The following KIF4A variants were observed in gnomAD, a reference collection of about 807,000 sequenced individuals.
KIF4A encodes the protein chromosome-associated kinesin KIF4A.
Under a neutral mutation model 105.9 loss-of-function variants are expected in KIF4A, and 7 were observed. That is an observed-to-expected ratio of 0.07 (90% CI 0.04 to 0.12). KIF4A has a LOEUF of 0.12. Among genes scored for constraint, KIF4A ranks in the 10% least tolerant of loss-of-function variants. The pLI, the probability that KIF4A is intolerant of heterozygous loss-of-function variation, is 1.00. For synonymous variants in KIF4A, 281 were observed against 331.3 expected (o/e 0.85, Z 1.65); for missense variants, 558 against 929.2 (o/e 0.60, Z 5.19).
chrX:70,349,427 G>GGCT, intron 13 of KIF4A, among the ~76,000 whole-genome samples: 1 of 98,275 alleles, frequency 1.0e-5, no homozygotes, highest in Non-Finnish European at 2.1e-5. Context: ...CAGATGGGGC[G>GGCT]GCCGGGCAGA....
At chrX:70,312,140 C>CTTT (rs527848699) in intron 7 of KIF4A, among the ~76,000 whole-genome samples, 46 of 78,035 alleles carry the variant, frequency 5.9e-4, no homozygotes, top group Non-Finnish European at 8.3e-4. Flanking sequence ...TTTTAAATGT[C>CTTT]TTTTTTTTTT....
At chrX:70,410,961 A>G (rs1449064598) in intron 28 of KIF4A, among the ~76,000 whole-genome samples, 1 of 112,646 alleles carries the variant, frequency 8.9e-6, no homozygotes, top group African/African-American at 3.2e-5. Context: ...ATGCTTTTAT[A>G]TGGTGTTATA....
chrX:70,322,114 T>C (rs2085892836), intron 7 of KIF4A, among the ~76,000 whole-genome samples: 1 of 109,413 alleles, frequency 9.1e-6, no homozygotes, highest in African/African-American at 3.3e-5. Flanking sequence ...TTCACCCACT[T>C]AGATGCTTAT....
At chrX:70,375,393 A>G in intron 17 of KIF4A, 45 bp downstream of exon 17, 6 of 1,146,453 alleles carry the variant, frequency 5.2e-6, no homozygotes, top group Non-Finnish European at 7.1e-6. Flanking sequence ...GGAATTTACA[A>G]ACATAGGTAT....
chrX:70,307,212 A>G (rs780279186), intron 7 of KIF4A, among the ~76,000 whole-genome samples: 2 of 110,091 alleles, frequency 1.8e-5, no homozygotes, highest in East Asian at 5.7e-4. Flanking sequence ...TTCTTTTGTT[A>G]AATTTATTCC....
intron 15 of KIF4A, among the ~76,000 whole-genome samples, chrX:70,373,908 T>A (rs1263107818): frequency 1.0e-5 from 1 of 100,180 alleles, no homozygotes; most frequent in South Asian, 4.7e-4. Flanking sequence ...AAAGATGAAG[T>A]GACTTTCCTT....
At chrX:70,328,283 G>A (rs758220393) in intron 7 of KIF4A, among the ~76,000 whole-genome samples, 1 of 111,349 alleles carries the variant, frequency 9.0e-6, no homozygotes, top group Non-Finnish European at 1.9e-5. Flanking sequence ...GGTGAGGACA[G>A]ACATCCTGGC....
At chrX:70,358,565 G>A (rs1362348315) in intron 15 of KIF4A, among the ~76,000 whole-genome samples, 1 of 111,661 alleles carries the variant, frequency 9.0e-6, no homozygotes, top group Non-Finnish European at 1.9e-5. Context: ...TGGATGCATA[G>A]CCCATCTCTA....
chrX:70,396,569 G>C (rs1050255907), intron 22 of KIF4A, among the ~76,000 whole-genome samples: 2 of 111,342 alleles, frequency 1.8e-5, no homozygotes, highest in Non-Finnish European at 3.8e-5. Flanking sequence ...AGAGAGTCAG[G>C]CACCATAATT....
chrX:70,346,816 C>A (rs758834316), intron 13 of KIF4A, among the ~76,000 whole-genome samples: 3 of 111,875 alleles, frequency 2.7e-5, no homozygotes, highest in African/African-American at 9.8e-5. Context: ...TTTGGAAATA[C>A]ACAACAATGT....
intron 10 of KIF4A, among the ~76,000 whole-genome samples, chrX:70,337,492 G>A (rs1201233706): frequency 1.8e-5 from 2 of 111,152 alleles, no homozygotes; most frequent in African/African-American, 3.3e-5. Flanking sequence ...GCAACATGGC[G>A]AAACCCTGTC....
At chrX:70,321,147 C>CA (rs1484106780) in intron 7 of KIF4A, among the ~76,000 whole-genome samples, 1 of 111,031 alleles carries the variant, frequency 9.0e-6, no homozygotes, top group Non-Finnish European at 1.9e-5. Context: ...GACCATCTTT[C>CA]ACAGCTTCCC....
intron 9 of KIF4A, 152 bp downstream of exon 9, chrX:70,330,484 C>T (rs1391689849): frequency 4.1e-6 from 2 of 487,855 alleles, no homozygotes; most frequent in African/African-American, 2.4e-5. Context: ...CTCCTATTAA[C>T]GTGTTTGCTG....
At chrX:70,339,767 G>A (rs2085965296) in intron 10 of KIF4A, among the ~76,000 whole-genome samples, 1 of 111,994 alleles carries the variant, frequency 8.9e-6, no homozygotes, top group South Asian at 3.6e-4. Flanking sequence ...TTCTGTGAGT[G>A]TCGGTCAATT....
At chrX:70,336,184 C>T (rs1245949438) in intron 10 of KIF4A, among the ~76,000 whole-genome samples, 3 of 111,904 alleles carry the variant, frequency 2.7e-5, no homozygotes, top group East Asian at 2.8e-4. Flanking sequence ...AGAAGTCTTC[C>T]GCATTCTTTT....
intron 7 of KIF4A, among the ~76,000 whole-genome samples, chrX:70,319,187 C>T (rs781412067): frequency 1.8e-5 from 2 of 111,201 alleles, no homozygotes; most frequent in Admixed American, 9.6e-5. Flanking sequence ...CACTTGAACC[C>T]GGGAGGCAGA....
intron 3 of KIF4A, among the ~76,000 whole-genome samples, chrX:70,294,657 T>A (rs767639176): frequency 8.9e-6 from 1 of 112,948 alleles, no homozygotes; most frequent in Non-Finnish European, 1.9e-5. Context: ...GGCACACGAC[T>A]GTAACAATTG....
intron 7 of KIF4A, among the ~76,000 whole-genome samples, chrX:70,320,754 A>G (rs2085887080): frequency 9.0e-6 from 1 of 111,584 alleles, no homozygotes; most frequent in Non-Finnish European, 1.9e-5. Context: ...AATAAGTTCT[A>G]ATGTTTGATA....
intron 10 of KIF4A, among the ~76,000 whole-genome samples, chrX:70,338,725 A>G (rs2147696229): frequency 8.9e-6 from 1 of 111,813 alleles, no homozygotes; most frequent in South Asian, 3.7e-4. Flanking sequence ...CAAAGTGGCT[A>G]TATCATTTAC....
Sources: allele counts gnomAD v4.1 joint callset (sites outside exome capture counted in the v4.1 genomes callset), GRCh38; gene constraint gnomAD v4.1.1; transcripts MANE v1.5; gene names NCBI Gene and HGNC (gene_info 2026-07-23, HGNC 2026-07-21).